Variants in PCDHA10 observed in about 807,000 individuals in gnomAD.
The protein encoded by PCDHA10 is protocadherin alpha 10, also known as protocadherin alpha-10.
A neutral mutation model predicts 61.2 loss-of-function variants in PCDHA10; 45 were observed. That is an observed-to-expected ratio of 0.74 (90% CI 0.58 to 0.94). The LOEUF (loss-of-function observed/expected upper bound fraction) is 0.94. Among genes scored for constraint, PCDHA10 ranks in the 40% least tolerant of loss-of-function variants. The pLI is 0.00. For synonymous variants in PCDHA10, 602 were observed against 548.8 expected (o/e 1.10, Z -1.35); for missense variants, 1,278 against 1,236.2 (o/e 1.03, Z -0.51).
chr5:140,863,256 C>T (rs761621534), intron 1 of PCDHA10: 6 of 1,442,182 alleles, frequency 4.2e-6, no homozygotes, highest in Non-Finnish European at 4.7e-6. Flanking sequence ...GCGTCGAGGT[C>T]CGGGAGGCAG....
intron 1 of PCDHA10, among the ~76,000 whole-genome samples, chr5:140,941,214 CCTTT>C (rs60032403): frequency 6.5e-5 from 8 of 122,492 alleles, no homozygotes; most frequent in Non-Finnish European, 1.2e-4. Context: ...TTTCTTTCTT[CCTTT>C]CTTTCTTTCT....
At chr5:140,912,654 G>T (rs1411811349) in intron 1 of PCDHA10, among the ~76,000 whole-genome samples, 4 of 152,076 alleles carry the variant, frequency 2.6e-5, no homozygotes, top group Non-Finnish European at 5.9e-5. Flanking sequence ...GAATAGAAGT[G>T]GTGAAAATGG....
chr5:140,875,265 T>C, intron 1 of PCDHA10: 1 of 1,201,060 alleles, frequency 8.3e-7, no homozygotes, highest in Admixed American at 3.0e-5. Flanking sequence ...GATGTCGCTC[T>C]ACACTCAGAA....
intron 1 of PCDHA10, chr5:140,866,786 T>C (rs368538353): frequency 6.6e-6 from 1 of 152,286 alleles, no homozygotes; most frequent in African/African-American, 2.4e-5. Context: ...TCCTGACTGA[T>C]ATAGTAAAAG....
intron 1 of PCDHA10, chr5:140,967,740 A>T (rs2096177949): frequency 6.2e-6 from 10 of 1,614,052 alleles, no homozygotes; most frequent in Non-Finnish European, 8.5e-6. Flanking sequence ...GGGCTGGATT[A>T]TGAGGAAGCC....
chr5:140,968,659 C>T, intron 1 of PCDHA10: 1 of 1,614,160 alleles, frequency 6.2e-7, no homozygotes, highest in East Asian at 2.2e-5. Flanking sequence ...CTGACCTGGA[C>T]CTCTTTAAGG....
At chr5:140,863,278 G>A (rs1554158055) in intron 1 of PCDHA10, 3 of 1,461,976 alleles carry the variant, frequency 2.1e-6, no homozygotes, top group South Asian at 1.1e-5. Flanking sequence ...GCTGGTGGAT[G>A]TCAACGTGTA....
chr5:140,935,563 C>T (rs1554210554), intron 1 of PCDHA10, among the ~76,000 whole-genome samples: 1 of 152,176 alleles, frequency 6.6e-6, no homozygotes. Context: ...GGAAAAGTTC[C>T]TCTCTGTGTA....
chr5:140,875,932 C>T, intron 1 of PCDHA10: 3 of 1,614,154 alleles, frequency 1.9e-6, no homozygotes, highest in South Asian at 1.1e-5. Flanking sequence ...TCATTTTCCT[C>T]TAGAGGGCGC....
intron 1 of PCDHA10, among the ~76,000 whole-genome samples, chr5:140,880,638 T>C (rs1239160653): frequency 6.6e-6 from 1 of 152,134 alleles, no homozygotes; most frequent in Non-Finnish European, 1.5e-5. Flanking sequence ...ATCAATTCAC[T>C]TGAGAGCCCA....
At chr5:140,885,798 T>C (rs1269362409) in intron 1 of PCDHA10, among the ~76,000 whole-genome samples, 1 of 152,186 alleles carries the variant, frequency 6.6e-6, no homozygotes, top group East Asian at 1.9e-4. Context: ...TTGTCATATG[T>C]ATTTTGTTGA....
At position 140,879,699 on chromosome 5, in the gene PCDHA10, A is replaced by G. The variant is rs952913043; in HGVS notation, c.2388+21263A>G. Among the ~76,000 whole-genome samples the G allele has an allele frequency of 2.6e-5, 4 of 152,218 alleles. No individual in the cohort carries two copies. In the South Asian group the frequency reaches 8.3e-4, roughly 32 times the overall value. The stretch of plus-strand genomic sequence containing the variant: ...TGCTGTAAAACAGCAAAAGTTTATT[A>G]TTTCTCAGTATTGGAGACCAGAAGT... On this transcript the variant is annotated intron_variant, in intron 1 of 3. Coordinates refer to ENST00000307360, the MANE Select transcript of PCDHA10 (RefSeq NM_018901.4).
At chr5:140,969,702 C>A (rs1305755991) in intron 1 of PCDHA10, among the ~76,000 whole-genome samples, 1 of 152,144 alleles carries the variant, frequency 6.6e-6, no homozygotes, top group African/African-American at 2.4e-5. Context: ...TCTGCTGTAT[C>A]ATCTACAGGG....
intron 1 of PCDHA10, chr5:140,870,384 G>A: frequency 6.2e-7 from 1 of 1,614,230 alleles, no homozygotes; most frequent in African/African-American, 1.3e-5. Context: ...TGACTGCGCG[G>A]GATGGGGGTT....
At position 140,870,724 on chromosome 5, in the gene PCDHA10, G is replaced by T. The variant is rs140203389; in HGVS notation, c.2388+12288G>T. 8.1e-4 allele frequency: 1,312 copies of T among 1,613,160 alleles called. 10 individuals carry two copies. In the African/African-American group the frequency reaches 0.014, roughly 18 times the overall value. On this transcript the variant is annotated intron_variant, in intron 1 of 3. Coordinates refer to ENST00000307360, the MANE Select transcript of PCDHA10 (RefSeq NM_018901.4). ...CCAGGTGAGCGCGCGCGATGCGGGC[G>T]TGCCGCCTCTGAGCAGCAACGTGAC...
intron 1 of PCDHA10, chr5:140,877,117 G>T (rs781979355): frequency 6.8e-6 from 11 of 1,613,720 alleles, no homozygotes; most frequent in Admixed American, 3.3e-5. Flanking sequence ...GGGCAGCAAC[G>T]TGACGCTGCA....
chr5:140,876,992 A>T (rs1222630901), intron 1 of PCDHA10: 1 of 1,612,438 alleles, frequency 6.2e-7, no homozygotes, highest in Non-Finnish European at 8.5e-7. Flanking sequence ...CTGTCGAGCT[A>T]CGTGTCGGTG....
At chr5:140,897,591 T>C (rs542451957) in intron 1 of PCDHA10, among the ~76,000 whole-genome samples, 1 of 152,312 alleles carries the variant, frequency 6.6e-6, no homozygotes, top group African/African-American at 2.4e-5. Flanking sequence ...TCTGTCATTG[T>C]TGGACATTTG....
At chr5:140,939,841 T>C (rs1269688667) in intron 1 of PCDHA10, among the ~76,000 whole-genome samples, 5 of 152,344 alleles carry the variant, frequency 3.3e-5, no homozygotes, top group Middle Eastern at 3.4e-3. Context: ...TGCTTGTTGT[T>C]GTGTTCTGTA....
Sources: gnomAD v4.1 joint callset for allele counts (sites outside exome capture counted in the v4.1 genomes callset) on GRCh38, gnomAD v4.1.1 for gene constraint, MANE v1.5 for transcripts, NCBI Gene and HGNC (gene_info 2026-07-23, HGNC 2026-07-21) for gene names.